Variants in AGRN observed in about 807,000 individuals in gnomAD.
The protein encoded by AGRN is agrin proteoglycan.
Under a neutral mutation model 211.0 loss-of-function variants are expected in AGRN, and 106 were observed. The observed-to-expected ratio is 0.50, with a 90% CI of 0.43 to 0.59. The LOEUF (loss-of-function observed/expected upper bound fraction) is 0.59, where lower values mean the gene tolerates loss of function less well. AGRN is among the 20% of genes least tolerant of loss of function. The pLI is 0.00. For missense variants in AGRN, 3,040 were observed against 2,982.6 expected (o/e 1.02, Z -0.45); for synonymous variants, 1,525 against 1,332.5 (o/e 1.14, Z -3.15).
Position 1,046,312 on chromosome 1 carries a change from C to T in AGRN, c.2911+47C>T, listed in dbSNP as rs186622431. Reference sequence around the variant, plus strand: ...CCCAGAACTGACCAGGAAGGCCTGACGCTGCCCTAAATCCAGCCCCACCCG... The same window carrying T: ...CCCAGAACTGACCAGGAAGGCCTGATGCTGCCCTAAATCCAGCCCCACCCG... On this transcript the variant is annotated intron_variant, in intron 17 of 35. Coordinates refer to ENST00000379370, the MANE Select transcript of AGRN (RefSeq NM_198576.4). 8.3e-5 allele frequency: 134 copies of T among 1,611,246 alleles called. No individual in the cohort carries two copies. In the Admixed American group the frequency reaches 1.1e-3, roughly 13 times the overall value.
intron 33 of AGRN, chr1:1,052,150 C>T: frequency 8.8e-7 from 1 of 1,140,200 alleles, no homozygotes; most frequent in Non-Finnish European, 1.2e-6. Context: ...CGCTATTTGG[C>T]TGCAAGAGGC....
intron 15 of AGRN, 42 bp downstream of exon 15, chr1:1,045,918 G>A (rs774097712): frequency 3.7e-6 from 6 of 1,610,962 alleles, no homozygotes; most frequent in African/African-American, 1.3e-5. Flanking sequence ...CATGGGGTGG[G>A]GTGGGGTCAC....
chr1:1,027,089 C>G (rs1644536770), intron 2 of AGRN, among the ~76,000 whole-genome samples: 1 of 152,194 alleles, frequency 6.6e-6, no homozygotes, highest in South Asian at 2.1e-4. Context: ...CCAGGGGCAG[C>G]TCACAGCAGG....
At chr1:1,029,252 G>T (rs1476807061) in intron 2 of AGRN, among the ~76,000 whole-genome samples, 1 of 152,170 alleles carries the variant, frequency 6.6e-6, no homozygotes. Context: ...GAGTGTGCCT[G>T]TGTCCACACG....
At position 1,041,571 on chromosome 1, in the gene AGRN, G is replaced by C; in HGVS notation, c.1046G>C (p.Cys349Ser). The C allele has an allele frequency of 6.2e-7, 1 of 1,610,106 alleles. No individual in the cohort carries two copies. Among genetic ancestry groups the C allele is most frequent in the Non-Finnish European group, 8.5e-7 (1 of 1,179,382 alleles). The change falls in exon 6 of 36, where the codon TGC becomes TCC. Residue 349 changes from cysteine (C) to serine (S), a missense_variant. Cys to Ser is a moderately radical substitution (Grantham distance 112). Transcript: ENST00000379370. ...GAGATGCTCCTACGGCCCGAGAGCT[G>C]CCCTGCCCGGCAGGCGCCAGTGTGT... is the stretch of plus-strand genomic sequence containing the variant. ...RPEMLLRPES[C>S]PARQAPVCGD... is the part of the protein sequence containing the mutation.
chr1:1,048,767 C>CAAAAAAAAA lies in AGRN; in HGVS notation c.4106-86_4106-78dup. 9.3e-7 allele frequency: 1 copy of CAAAAAAAAA among 1,075,964 alleles called. No homozygotes were observed. The highest frequency in any genetic ancestry group is 1.8e-5 in the South Asian group (1 of 57,092). 66.7% of individuals were successfully genotyped at this position (1,075,964 alleles called of 1,614,324 possible). On this transcript the variant is annotated intron_variant, in intron 23 of 35. Coordinates refer to ENST00000379370, the MANE Select transcript of AGRN (RefSeq NM_198576.4). This position sits in a 1 kb window ranked among gnomAD's most constrained non-coding sequence, Gnocchi z 5.9. Reference sequence around the variant, plus strand: ...GGGCAAAAAGAGCAAAACTCCGTCTCAAAAAAAAAAAAAAAAAAAAAAGCA... The same window carrying CAAAAAAAAA: ...GGGCAAAAAGAGCAAAACTCCGTCTCAAAAAAAAAAAAAAAAAAAAAAAAAAAAAAAGCA...
intron 3 of AGRN, among the ~76,000 whole-genome samples, chr1:1,036,033 C>G (rs924725312): frequency 6.6e-6 from 1 of 152,102 alleles, no homozygotes; most frequent in African/African-American, 2.4e-5. Flanking sequence ...CTCGCCAGGC[C>G]TGGGGTCCTT....
Position 1,035,463 on chromosome 1 carries a change from C to T in AGRN, c.511+139C>T, listed in dbSNP as rs561263323. 12 of 1,208,122 alleles carry T rather than the reference C, an allele frequency of 9.9e-6. No individual in the cohort carries two copies. The African/African-American group carries it at 1.6e-4, about 17-fold the overall frequency. The allele number at this position is 1,208,122 out of a possible 1,614,324, so 74.8% of individuals were successfully genotyped here. On this transcript the variant is annotated intron_variant, in intron 3 of 35. Coordinates refer to ENST00000379370, the MANE Select transcript of AGRN (RefSeq NM_198576.4). The stretch of plus-strand genomic sequence containing the variant: ...CTGGACAAGGGCACCTGCGTCTGTC[C>T]TGGGAGTCCGCAGCGGTGGGCCGCA...
At chr1:1,020,421 G>A in intron 1 of AGRN, 48 bp downstream of exon 1, 1 of 1,471,236 alleles carries the variant, frequency 6.8e-7, no homozygotes, top group Non-Finnish European at 9.0e-7. Context: ...CTGCCGCCCC[G>A]CCGGGACCCC....
intron 2 of AGRN, among the ~76,000 whole-genome samples, chr1:1,027,311 A>AATT (rs1321256813): frequency 1.3e-5 from 2 of 152,098 alleles, no homozygotes; most frequent in Non-Finnish European, 2.9e-5. Context: ...TGCACTTCAG[A>AATT]ATTCTGCCTG....
In AGRN at chr1:1,041,952, C is replaced by G. The variant is rs1229005794; in HGVS notation, c.1178-4C>G. ...TCCGTGACTCCCTCACCCCTGCGTC[C>G]TAGACCAGTGCCCGGAGCCCTGCCG... On this transcript the variant is annotated splice_region_variant and splice_polypyrimidine_tract_variant and intron_variant, in intron 6 of 35. Coordinates refer to ENST00000379370, the MANE Select transcript of AGRN (RefSeq NM_198576.4). 4.3e-6 allele frequency: 7 copies of G among 1,611,738 alleles called. No homozygotes were observed. Among genetic ancestry groups the G allele is most frequent in the East Asian group, 2.2e-5 (1 of 44,856 alleles).
chr1:1,041,260 G>A lies in AGRN; in HGVS notation c.815G>A (p.Cys272Tyr). ...GACGGGCTGACGGCCTCGTGCCTGTGCCCCGCGACCTGCCGTGGCGCCCCC... is the reference window on the plus strand; with the variant it reads ...GACGGGCTGACGGCCTCGTGCCTGTACCCCGCGACCTGCCGTGGCGCCCCC... Reference protein sequence around the residue: ...SADGLTASCLCPATCRGAPEG... With the variant: ...SADGLTASCLYPATCRGAPEG... Residue 272 changes from cysteine (C) to tyrosine (Y), a missense_variant, in exon 5 of 36, where the codon TGC (cysteine) becomes TAC (tyrosine). Cys to Tyr is a radical substitution (Grantham distance 194). Around this residue, in one of 3 missense-constraint regions of AGRN, gnomAD observed 1,498 missense variants for 1,457.8 expected, o/e 1.03. Coordinates refer to ENST00000379370, the MANE Select transcript of AGRN (RefSeq NM_198576.4). 6.7e-7 allele frequency: 1 copy of A among 1,503,090 alleles called. No homozygotes were observed. Among genetic ancestry groups the A allele is most frequent in the South Asian group, 1.2e-5 (1 of 81,324 alleles). 93.1% of individuals were successfully genotyped at this position (1,503,090 alleles called of 1,614,324 possible).
At chr1:1,047,740 G>A (rs200603513) in intron 21 of AGRN, 36 bp from the exon 22 acceptor site, 16 of 1,611,918 alleles carry the variant, frequency 9.9e-6, no homozygotes, top group Admixed American at 5.0e-5. Context: ...GGGGATGCCT[G>A]GGGCTCTGCC....
chr1:1,054,040 GCTGTGTC>G, intron 34 of AGRN, 63 bp downstream of exon 34: 1 of 1,511,596 alleles, frequency 6.6e-7, no homozygotes, highest in Non-Finnish European at 9.0e-7. Flanking sequence ...GCCCAGCTGG[GCTGTGTC>G]CAGTCACTTG....
Position 1,040,698 on chromosome 1 carries a change from T to G in AGRN, c.545T>G (p.Val182Gly). ...CRGMLCGFGA[V>G]CEPNAEGPGR... ...GGAATGCTGTGCGGCTTCGGCGCCG[T>G]GTGCGAGCCCAACGCGGAGGGGCCG... Residue 182 changes from valine (V) to glycine (G), a missense_variant, in exon 4 of 36, where the codon GTG becomes GGG. Val to Gly is a moderately radical substitution (Grantham distance 109). Around this residue, in one of 3 missense-constraint regions of AGRN, gnomAD observed 1,498 missense variants for 1,457.8 expected, o/e 1.03. Transcript: ENST00000379370. 3 of 1,547,446 alleles carry G rather than the reference T, an allele frequency of 1.9e-6. No individual in the cohort carries two copies. The highest frequency in any genetic ancestry group is 2.6e-6 in the Non-Finnish European group (3 of 1,146,656).
Position 1,041,880 on chromosome 1 carries a change from C to T in AGRN, c.1178-76C>T, listed in dbSNP as rs1352557958. The T allele has an allele frequency of 2.5e-5, 39 of 1,591,300 alleles. No homozygotes were observed. In the East Asian group the frequency reaches 8.8e-4, roughly 36 times the overall value. On this transcript the variant is annotated intron_variant, in intron 6 of 35. Transcript: ENST00000379370. ...CCCTCTGGGAGGGCCGCCTGCTCCC[C>T]TGCTCCCTGCACATCCCAGGGCAGG...
chr1:1,046,612 C>G lies in AGRN; in HGVS notation c.3127C>G (p.Pro1043Ala). Residue 1043 changes from proline to alanine, a missense_variant, in exon 18 of 36, where the codon CCC becomes GCC. Physicochemically the swap from Pro to Ala is conservative, Grantham distance 27. Transcript: ENST00000379370. ...CGTGTGGCCCGTGCTGACGGTGCCC[C>G]CCACGGCACCCTCCCCTGCACCCAG... is the stretch of plus-strand genomic sequence containing the variant. ...TTVWPVLTVPPTAPSPAPSLV... is the reference protein window; with the variant it reads ...TTVWPVLTVPATAPSPAPSLV... 6.2e-7 allele frequency: 1 copy of G among 1,603,752 alleles called. No individual in the cohort carries two copies. Among genetic ancestry groups the G allele is most frequent in the Non-Finnish European group, 8.5e-7 (1 of 1,179,364 alleles).
chr1:1,045,569 C>T (rs1375861606), intron 14 of AGRN, 46 bp downstream of exon 14: 6 of 1,607,512 alleles, frequency 3.7e-6, no homozygotes, highest in South Asian at 2.2e-5. Flanking sequence ...GCCCTCCTAC[C>T]TGTTCACCCC....
Position 1,055,327 on chromosome 1 carries a change from G to GA in AGRN, c.*348dup. ...CAGGCGGGACTCGTGTCCCAGAGAG[G>GA]AAGGGGCTGCTGAGGTCTGATGGGG... On this transcript the variant is annotated 3_prime_UTR_variant, in exon 36 of 36. Transcript: ENST00000379370. 1 of 388,380 alleles carries GA rather than the reference G, an allele frequency of 2.6e-6. No individual in the cohort carries two copies. Among genetic ancestry groups the GA allele is most frequent in the Non-Finnish European group, 5.0e-6 (1 of 201,360 alleles). 24.1% of individuals were successfully genotyped at this position (388,380 alleles called of 1,614,324 possible).
Sources: gnomAD v4.1 joint callset for allele counts (sites outside exome capture counted in the v4.1 genomes callset) on GRCh38, gnomAD v4.1.1 for gene constraint, gnomAD v4.1.1 regional missense constraint, Gnocchi (gnomAD v3.1) non-coding constraint, MANE v1.5 for transcripts, NCBI Gene and HGNC (gene_info 2026-07-23, HGNC 2026-07-21) for gene names.